Variants in GRIK3 observed in about 807,000 individuals in gnomAD.
GRIK3 encodes the protein glutamate ionotropic receptor kainate type subunit 3.
Under a neutral mutation model 102.5 loss-of-function variants are expected in GRIK3, and 29 were observed. That is an observed-to-expected ratio of 0.28 (90% CI 0.21 to 0.39). The LOEUF (loss-of-function observed/expected upper bound fraction) is 0.39. Among genes scored for constraint, GRIK3 ranks in the 10% least tolerant of loss-of-function variants. GRIK3 has a pLI of 1.00. For missense variants in GRIK3, 908 were observed against 1,252.4 expected (o/e 0.73, Z 4.15); for synonymous variants, 511 against 504.9 (o/e 1.01, Z -0.16).
chr1:36,821,314 T>C (rs1478749208), intron 11 of GRIK3, among the ~76,000 whole-genome samples: 1 of 152,180 alleles, frequency 6.6e-6, no homozygotes, highest in Non-Finnish European at 1.5e-5. Context: ...GGAAGAGATC[T>C]AGAATGGAGA....
At chr1:36,957,451 CCCTGTGAG>C (rs1197511839) in intron 1 of GRIK3, among the ~76,000 whole-genome samples, 4 of 125,310 alleles carry the variant, frequency 3.2e-5, no homozygotes, top group Admixed American at 7.6e-5. Context: ...TGAGTCTGTG[CCCTGTGAG>C]CCTATGTGCT....
At chr1:36,811,680 T>G (rs1178670613) in intron 13 of GRIK3, among the ~76,000 whole-genome samples, 1 of 152,110 alleles carries the variant, frequency 6.6e-6, no homozygotes, top group Non-Finnish European at 1.5e-5. Flanking sequence ...CAGGAGGGAA[T>G]TTCGGGGCAA....
At chr1:36,862,758 G>T (rs1640741289) in intron 5 of GRIK3, among the ~76,000 whole-genome samples, 3 of 152,112 alleles carry the variant, frequency 2.0e-5, no homozygotes, top group African/African-American at 7.2e-5. Context: ...CTGCAAAATG[G>T]GGTTGAAAGT....
intron 9 of GRIK3, among the ~76,000 whole-genome samples, chr1:36,842,406 T>G (rs941203758): frequency 5.3e-5 from 8 of 152,208 alleles, no homozygotes; most frequent in Non-Finnish European, 1.2e-4. Context: ...ATCTGTGTTT[T>G]CAGAAGCCTT....
chr1:36,854,619 A>G (rs1342709233), intron 7 of GRIK3, among the ~76,000 whole-genome samples: 4 of 151,998 alleles, frequency 2.6e-5, no homozygotes, highest in African/African-American at 9.7e-5. Flanking sequence ...CCGTGTTTAT[A>G]TATTACTTGT....
chr1:37,010,465 C>T (rs994143063), intron 1 of GRIK3, among the ~76,000 whole-genome samples: 3 of 152,168 alleles, frequency 2.0e-5, no homozygotes, highest in Non-Finnish European at 2.9e-5. Context: ...GTGGTGGAGC[C>T]GGGATTCAAA....
chr1:36,839,059 A>G (rs770683882), intron 10 of GRIK3, among the ~76,000 whole-genome samples: 12 of 152,250 alleles, frequency 7.9e-5, no homozygotes, highest in Non-Finnish European at 1.6e-4. Context: ...CTCTGATCAC[A>G]TTCCCTTGCA....
intron 1 of GRIK3, among the ~76,000 whole-genome samples, chr1:36,973,261 G>A (rs898202416): frequency 1.3e-5 from 2 of 152,102 alleles, no homozygotes; most frequent in African/African-American, 2.4e-5. Flanking sequence ...CTGCGTTGGC[G>A]GCGCTGGACT....
chr1:36,847,835 T>C (rs1157044760), intron 9 of GRIK3, among the ~76,000 whole-genome samples: 1 of 152,226 alleles, frequency 6.6e-6, no homozygotes, highest in Non-Finnish European at 1.5e-5. Flanking sequence ...CATGTCCTGG[T>C]GGCACTGCAT....
At chr1:36,903,998 A>C (rs1009311145) in intron 1 of GRIK3, among the ~76,000 whole-genome samples, 37 of 152,188 alleles carry the variant, frequency 2.4e-4, no homozygotes, top group African/African-American at 8.9e-4. Flanking sequence ...GTATAAGTCC[A>C]TTCATTGTAA....
chr1:36,880,740 G>A lies in GRIK3; in HGVS notation c.444C>T (p.Phe148=), dbSNP rs369820482. ...CGTAGTCGGGGTAGAGGTTCACGTA[G>A]AAGGTGTCCTTGTTGTCCAGCGGGT... ...KHHPLDNKDT[F]YVNLYPDYAS... Residue 148 remains phenylalanine, a synonymous_variant, in exon 3 of 16, where the codon TTC becomes TTT. Coordinates refer to ENST00000373091, the MANE Select transcript of GRIK3 (RefSeq NM_000831.4). This position sits in a 1 kb window ranked among gnomAD's most constrained non-coding sequence, Gnocchi z 5.4. 1.3e-5 allele frequency: 21 copies of A among 1,614,068 alleles called. No homozygotes were observed. The African/African-American group carries it at 1.9e-4, about 14-fold the overall frequency.
intron 1 of GRIK3, among the ~76,000 whole-genome samples, chr1:37,027,070 G>C (rs1490534234): frequency 1.3e-5 from 2 of 151,994 alleles, no homozygotes; most frequent in African/African-American, 4.8e-5. Context: ...CCTAGATACC[G>C]ACTCACCCCC....
chr1:36,898,071 A>G (rs1641192822), intron 1 of GRIK3, among the ~76,000 whole-genome samples: 1 of 152,014 alleles, frequency 6.6e-6, no homozygotes, highest in African/African-American at 2.4e-5. Context: ...CTCTCAAACC[A>G]AAACAATTGA....
At chr1:36,961,411 C>T (rs1363380183) in intron 1 of GRIK3, among the ~76,000 whole-genome samples, 1 of 149,584 alleles carries the variant, frequency 6.7e-6, no homozygotes, top group Non-Finnish European at 1.5e-5. Context: ...GAAAAAAAAG[C>T]AGAAGAGAGA....
At chr1:37,003,968 T>C (rs989010758) in intron 1 of GRIK3, among the ~76,000 whole-genome samples, 1 of 152,034 alleles carries the variant, frequency 6.6e-6, no homozygotes, top group Non-Finnish European at 1.5e-5. Flanking sequence ...CTGCCACCTG[T>C]TAGGAGCCCC....
In GRIK3 at chr1:36,801,692, G is replaced by A; in HGVS notation, c.*159C>T. On this transcript the variant is annotated 3_prime_UTR_variant, in exon 16 of 16. Coordinates refer to ENST00000373091, the MANE Select transcript of GRIK3 (RefSeq NM_000831.4). Reference sequence around the variant, plus strand: ...GCCCAAGCAGCTGGCCTGAGAGCCTGCTGGCTTCCTGGCAGGTAAGGGCAG... The same window carrying A: ...GCCCAAGCAGCTGGCCTGAGAGCCTACTGGCTTCCTGGCAGGTAAGGGCAG... 9.2e-6 allele frequency: 5 copies of A among 541,568 alleles called. No homozygotes were observed. In the Admixed American group the frequency reaches 1.1e-4, roughly 12 times the overall value. The allele number at this position is 541,568 out of a possible 1,614,324, so 33.5% of individuals were successfully genotyped here.
chr1:37,034,285 C>T lies in GRIK3; in HGVS notation c.-177G>A, dbSNP rs1642863575. Among the ~76,000 whole-genome samples, 1 of 148,770 alleles carries T rather than the reference C, an allele frequency of 6.7e-6. No individual in the cohort carries two copies. Among genetic ancestry groups the T allele is most frequent in the Admixed American group, 6.7e-5 (1 of 14,994 alleles). ...CGCCGCGCACATCTTACTGGGGGGC[C>T]GCCCCGCCGGCGCCCGCCCCGCCTG... On this transcript the variant is annotated 5_prime_UTR_variant, in exon 1 of 16. Transcript: ENST00000373091.
rs75489058 is a variant in GRIK3 at position 36,850,642 on chromosome 1, T to C, written c.1213-218A>G. ...CTGACGAGGGTCCCAGGGTGTCGAATCTCTGAATTCTGCCACCTCCCTTGC... is the reference window on the plus strand; with the variant it reads ...CTGACGAGGGTCCCAGGGTGTCGAACCTCTGAATTCTGCCACCTCCCTTGC... On this transcript the variant is annotated intron_variant, in intron 8 of 15. Coordinates refer to ENST00000373091, the MANE Select transcript of GRIK3 (RefSeq NM_000831.4). This position sits in a 1 kb window ranked among gnomAD's most constrained non-coding sequence, Gnocchi z 4.0. 7.2e-4 allele frequency among the ~76,000 whole-genome samples: 109 copies of C among 152,326 alleles called. 2 individuals carry two copies. In the East Asian group the frequency reaches 0.018, roughly 25 times the overall value.
At chr1:36,960,526 G>C (rs1161406503) in intron 1 of GRIK3, among the ~76,000 whole-genome samples, 1 of 152,202 alleles carries the variant, frequency 6.6e-6, no homozygotes, top group Non-Finnish European at 1.5e-5. Flanking sequence ...ACAGAGTGAG[G>C]CATGTGAAGG....
Sources: allele counts gnomAD v4.1 joint callset (sites outside exome capture counted in the v4.1 genomes callset), GRCh38; gene constraint gnomAD v4.1.1; non-coding constraint Gnocchi (gnomAD v3.1); transcripts MANE v1.5; gene names NCBI Gene and HGNC (gene_info 2026-07-23, HGNC 2026-07-21).